The following APC variants were observed in gnomAD, a reference collection of about 807,000 sequenced individuals.
The protein encoded by APC is APC regulator of Wnt signaling pathway.
In APC, 72 loss-of-function variants were observed where a neutral mutation model predicts 247.0. The observed-to-expected ratio is 0.29, with a 90% CI of 0.24 to 0.35. The LOEUF is 0.35. Among genes scored for constraint, APC ranks in the 10% least tolerant of loss-of-function variants. The pLI is 1.00. For synonymous variants in APC, 1,254 were observed against 1,162.5 expected, an observed-to-expected ratio of 1.08 and a Z score of -1.60; for missense variants, 3,400 against 3,360.7, an observed-to-expected ratio of 1.01 and a Z score of -0.29.
intron 11 of APC, among the ~76,000 whole-genome samples, chr5:112,826,599 AAAC>A (rs1248994419): frequency 0.017 from 2,216 of 128,692 alleles, 74 homozygotes; most frequent in African/African-American, 0.057. Flanking sequence ...AAAAAAAAAA[AAAC>A]AAAACTTTTT....
intron 4 of APC, among the ~76,000 whole-genome samples, chr5:112,774,013 G>T (rs1385732088): frequency 6.6e-6 from 1 of 152,096 alleles, no homozygotes; most frequent in Non-Finnish European, 1.5e-5. Context: ...AGGGCAGTAA[G>T]TTAAAAATTT....
intron 4 of APC, among the ~76,000 whole-genome samples, chr5:112,768,435 AG>A (rs1756616830): frequency 6.6e-6 from 1 of 151,476 alleles, no homozygotes; most frequent in African/African-American, 2.4e-5. Context: ...AAGTATATTC[AG>A]TAACTACTAG....
rs2149982230 is a variant in APC, at chr5:112,842,806, G to A, written c.7212G>A (p.Met2404Ile). 1.2e-6 allele frequency: 2 copies of A among 1,613,574 alleles called. No individual in the cohort carries two copies. The highest frequency in any genetic ancestry group is 1.3e-5 in the African/African-American group (1 of 75,030). ...CTGCCTCCAAAGGACTAAATCAGAT[G>A]AATAATGGTAATGGAGCCAATAAAA... ...SESASKGLNQ[M>I]NNGNGANKKV... Residue 2404 changes from methionine (M) to isoleucine (I), a missense_variant, in exon 16 of 16, where the codon ATG becomes ATA. This residue lies in a region of APC where 1,788 missense variants were observed against 1,649.5 expected (regional missense o/e 1.08). Coordinates refer to ENST00000257430, the MANE Select transcript of APC (RefSeq NM_000038.6).
At chr5:112,741,452 AATC>A (rs1217011445) in intron 1 of APC, among the ~76,000 whole-genome samples, 14 of 152,198 alleles carry the variant, frequency 9.2e-5, no homozygotes, top group Non-Finnish European at 1.9e-4. Flanking sequence ...TTGTAAATCA[AATC>A]ATACATCATC....
intron 6 of APC, among the ~76,000 whole-genome samples, chr5:112,787,928 A>G (rs1165364302): frequency 6.6e-6 from 1 of 152,176 alleles, no homozygotes; most frequent in African/African-American, 2.4e-5. Context: ...TATTACTTAT[A>G]TATGTGTGTA....
chr5:112,813,752 T>TA (rs374758963), intron 8 of APC, among the ~76,000 whole-genome samples: 15,407 of 132,144 alleles, frequency 0.12, 889 homozygotes, highest in Middle Eastern at 0.17. Flanking sequence ...ACCTTGTCTC[T>TA]AAAAAAAAAA....
chr5:112,752,722 G>A (rs1219983538), intron 1 of APC, among the ~76,000 whole-genome samples: 2 of 152,162 alleles, frequency 1.3e-5, no homozygotes, highest in East Asian at 3.8e-4. Context: ...GACTTCACAA[G>A]TTTTGGATTA....
intron 1 of APC, among the ~76,000 whole-genome samples, chr5:112,729,141 A>G (rs1178526762): frequency 6.6e-6 from 1 of 152,214 alleles, no homozygotes; most frequent in Non-Finnish European, 1.5e-5. Context: ...CTTACTCATT[A>G]TTGTATCATC....
intron 11 of APC, among the ~76,000 whole-genome samples, chr5:112,826,658 A>C (rs190428377): frequency 6.6e-6 from 1 of 151,694 alleles, no homozygotes; most frequent in East Asian, 1.9e-4. Flanking sequence ...CCGTATTCCT[A>C]AGGGTAATTA....
At chr5:112,818,855 G>GGGTGTTTTTT in intron 9 of APC, 111 bp from the exon 10 acceptor site, 2 of 1,118,290 alleles carry the variant, frequency 1.8e-6, no homozygotes, top group East Asian at 5.2e-5. Flanking sequence ...GGCGGGGGGG[G>GGGTGTTTTTT]TTGTTTTGTT....
intron 9 of APC, among the ~76,000 whole-genome samples, chr5:112,818,459 A>G (rs1280071364): frequency 2.6e-5 from 4 of 152,062 alleles, no homozygotes; most frequent in African/African-American, 9.7e-5. Context: ...TAATAATATT[A>G]TCATCTGACG....
chr5:112,718,924 T>C (rs1751331199), intron 1 of APC, among the ~76,000 whole-genome samples: 1 of 152,236 alleles, frequency 6.6e-6, no homozygotes, highest in African/African-American at 2.4e-5. Context: ...GACTTTAAGC[T>C]ATGGTTGCCT....
chr5:112,746,121 A>G (rs1753645494), intron 1 of APC, among the ~76,000 whole-genome samples: 1 of 151,606 alleles, frequency 6.6e-6, no homozygotes, highest in Non-Finnish European at 1.5e-5. Flanking sequence ...CTGACAATAC[A>G]TTTGAAAAAC....
Position 112,843,348 on chromosome 5 carries a change from A to C in APC, c.7754A>C (p.Lys2585Thr), listed in dbSNP as rs876658884. Residue 2585 changes from lysine to threonine, a missense_variant, in exon 16 of 16, where the codon AAA becomes ACA. Physicochemically the swap from Lys to Thr is moderately conservative, Grantham distance 78. This residue lies in a region of APC where 1,788 missense variants were observed against 1,649.5 expected (regional missense o/e 1.08). Transcript: ENST00000257430. The surrounding 1 kb of genome is among the most constrained non-coding windows in gnomAD (Gnocchi z 4.8). ...SASSESSEKA[K>T]SEDEKHVNSI... ...TCATCAGAATCCAGTGAAAAAGCAA[A>C]AAGTGAGGATGAAAAACATGTGAAC... 6.2e-7 allele frequency: 1 copy of C among 1,613,982 alleles called. No homozygotes were observed. The highest frequency in any genetic ancestry group is 8.5e-7 in the Non-Finnish European group (1 of 1,179,908).
At position 112,838,461 on chromosome 5, in the gene APC, A is replaced by G. The variant is rs1554084554; in HGVS notation, c.2867A>G (p.Tyr956Cys). Residue 956 changes from tyrosine (Y) to cysteine (C), a missense_variant, in exon 16 of 16, where the codon TAC (tyrosine) becomes TGC (cysteine). By Grantham distance (194) the Tyr-to-Cys change is radical. Around this residue, in one of 9 missense-constraint regions of APC, gnomAD observed 715 missense variants for 656.6 expected, o/e 1.09. Transcript: ENST00000257430. ...TCTATGCCTTATGCCAAATTAGAAT[A>G]CAAGAGATCTTCAAATGATAGTTTA... ...TCSMPYAKLE[Y>C]KRSSNDSLNS... is the part of the protein sequence containing the mutation. The G allele has an allele frequency of 6.2e-7, 1 of 1,614,242 alleles. No individual in the cohort carries two copies. Among genetic ancestry groups the G allele is most frequent in the Non-Finnish European group, 8.5e-7 (1 of 1,180,036 alleles).
At chr5:112,728,069 A>C (rs1160064264) in intron 1 of APC, among the ~76,000 whole-genome samples, 1 of 151,880 alleles carries the variant, frequency 6.6e-6, no homozygotes, top group Non-Finnish European at 1.5e-5. Flanking sequence ...AAACATTATG[A>C]GATTTTTTTG....
At chr5:112,806,931 G>A (rs1239868775) in intron 8 of APC, among the ~76,000 whole-genome samples, 2 of 151,946 alleles carry the variant, frequency 1.3e-5, no homozygotes, top group Admixed American at 6.6e-5. Context: ...TCAGGAGTTC[G>A]AGACCAGCCT....
intron 14 of APC, among the ~76,000 whole-genome samples, chr5:112,831,631 C>A (rs1764312214): frequency 6.6e-6 from 1 of 152,170 alleles, no homozygotes; most frequent in African/African-American, 2.4e-5. Flanking sequence ...CCTGCATGTT[C>A]CACATCACTT....
At chr5:112,715,008 A>G (rs1751076927) in intron 1 of APC, among the ~76,000 whole-genome samples, 2 of 152,240 alleles carry the variant, frequency 1.3e-5, no homozygotes, top group Admixed American at 6.5e-5. Context: ...GGAGATGTTT[A>G]GAAATTTAAG....
Sources: gnomAD v4.1 joint callset for allele counts (sites outside exome capture counted in the v4.1 genomes callset) on GRCh38, gnomAD v4.1.1 for gene constraint, gnomAD v4.1.1 regional missense constraint, Gnocchi (gnomAD v3.1) non-coding constraint, MANE v1.5 for transcripts, NCBI Gene and HGNC (gene_info 2026-07-23, HGNC 2026-07-21) for gene names.